The following CLVS1 variants were observed in gnomAD, a reference collection of about 807,000 sequenced individuals.
CLVS1 encodes the protein clavesin-1.
A neutral mutation model predicts 33.1 loss-of-function variants in CLVS1; 10 were observed. The observed-to-expected ratio is 0.30, with a 90% CI of 0.19 to 0.51. The LOEUF (loss-of-function observed/expected upper bound fraction) is 0.51. Among genes scored for constraint, CLVS1 ranks in the 20% least tolerant of loss-of-function variants. The pLI is 0.97. For synonymous variants in CLVS1, 163 were observed against 166.1 expected, an observed-to-expected ratio of 0.98 and a Z score of 0.14; for missense variants, 343 against 433.4, an observed-to-expected ratio of 0.79 and a Z score of 1.85.
chr8:61,085,847 C>T (rs1405390993), intron 1 of CLVS1, among the ~76,000 whole-genome samples: 1 of 151,450 alleles, frequency 6.6e-6, no homozygotes. Flanking sequence ...CACGGTGAAA[C>T]CCCACCTCTA....
chr8:61,126,795 G>A (rs562519029), intron 1 of CLVS1, among the ~76,000 whole-genome samples: 7 of 152,298 alleles, frequency 4.6e-5, no homozygotes, highest in African/African-American at 1.4e-4. Context: ...TTGTTTGCAT[G>A]TTGGACTTAT....
chr8:60,975,206 C>G, the CLVS1 span, among the ~76,000 whole-genome samples: 1 of 152,170 alleles, frequency 6.6e-6, no homozygotes, highest in Non-Finnish European at 1.5e-5. Context: ...CCCAGTGCCA[C>G]AGTTGAATGC....
intron 3 of CLVS1, among the ~76,000 whole-genome samples, chr8:61,453,622 G>A (rs1005324676): frequency 4.2e-4 from 64 of 152,232 alleles, no homozygotes; most frequent in African/African-American, 1.5e-3. Context: ...ATTCCACAGA[G>A]CTCCATCTCC....
intron 2 of CLVS1, among the ~76,000 whole-genome samples, chr8:61,218,279 A>G (rs1435759507): frequency 2.0e-5 from 3 of 152,194 alleles, no homozygotes; most frequent in Non-Finnish European, 4.4e-5. Context: ...TGAATCATTA[A>G]AGAAAATGTG....
intron 1 of CLVS1, among the ~76,000 whole-genome samples, chr8:61,118,890 G>A (rs556105650): frequency 4.1e-4 from 63 of 152,170 alleles, no homozygotes; most frequent in African/African-American, 1.2e-3. Flanking sequence ...TATTAGGTCC[G>A]CTTGGTGCAG....
At chr8:61,379,470 T>C (rs748627716) in intron 3 of CLVS1, among the ~76,000 whole-genome samples, 1 of 151,882 alleles carries the variant, frequency 6.6e-6, no homozygotes, top group Non-Finnish European at 1.5e-5. Context: ...GCCCAATCTT[T>C]AGGCAGTGAG....
chr8:61,499,609 G>A lies in CLVS1; in HGVS notation c.*67G>A, dbSNP rs1804489802. 2 of 1,173,536 alleles carry A rather than the reference G, an allele frequency of 1.7e-6. No homozygotes were observed. Among genetic ancestry groups the A allele is most frequent in the Admixed American group, 1.7e-5 (1 of 58,334 alleles). 72.7% of individuals were successfully genotyped at this position (1,173,536 alleles called of 1,614,324 possible). A position where few individuals can be genotyped will look rare whatever the true frequency, so the allele number is the denominator to read the frequency against. Reference sequence around the variant, plus strand: ...GGTATCAGCCACCCAGGAAGCACATGCACAACTGACCCATGCAGACACGTG... The same window carrying A: ...GGTATCAGCCACCCAGGAAGCACATACACAACTGACCCATGCAGACACGTG... On this transcript the variant is annotated 3_prime_UTR_variant, in exon 6 of 6. Coordinates refer to ENST00000325897, the MANE Select transcript of CLVS1 (RefSeq NM_173519.3).
At chr8:61,176,705 C>T (rs181101821) in intron 2 of CLVS1, among the ~76,000 whole-genome samples, 5 of 152,240 alleles carry the variant, frequency 3.3e-5, no homozygotes, top group Middle Eastern at 3.4e-3. Context: ...CAGTGTTGTG[C>T]GGCAGCCCAC....
intron 3 of CLVS1, among the ~76,000 whole-genome samples, chr8:61,453,681 T>A (rs1332059673): frequency 6.6e-6 from 1 of 152,142 alleles, no homozygotes; most frequent in African/African-American, 2.4e-5. Context: ...CAGCCAGCAC[T>A]CACTCACCCA....
intron 2 of CLVS1, among the ~76,000 whole-genome samples, chr8:61,185,897 A>G (rs1441672464): frequency 2.0e-5 from 3 of 152,228 alleles, no homozygotes; most frequent in Non-Finnish European, 2.9e-5. Context: ...TGTAAAGGCT[A>G]TACAAATGTT....
At chr8:61,021,396 G>C in the CLVS1 span, among the ~76,000 whole-genome samples, 4 of 152,192 alleles carry the variant, frequency 2.6e-5, no homozygotes, top group Non-Finnish European at 4.4e-5. Context: ...TGTCGCCCAG[G>C]CTGGAGTGCA....
chr8:61,041,936 G>A, the CLVS1 span, among the ~76,000 whole-genome samples: 3 of 151,932 alleles, frequency 2.0e-5, no homozygotes, highest in Admixed American at 6.6e-5. Flanking sequence ...ACTGGGCTGC[G>A]GAAACTTAAT....
chr8:61,361,619 G>T (rs918191625), intron 2 of CLVS1, among the ~76,000 whole-genome samples: 2 of 152,084 alleles, frequency 1.3e-5, no homozygotes, highest in African/African-American at 4.8e-5. Context: ...GTTCTTCAGG[G>T]TCTTATTTTA....
intron 5 of CLVS1, among the ~76,000 whole-genome samples, chr8:61,484,186 A>T (rs1489468667): frequency 1.3e-5 from 2 of 152,258 alleles, no homozygotes; most frequent in African/African-American, 2.4e-5. Flanking sequence ...TTTTATATTT[A>T]GAAAACCCCA....
At chr8:61,404,412 C>T (rs1814897724) in intron 3 of CLVS1, among the ~76,000 whole-genome samples, 1 of 152,154 alleles carries the variant, frequency 6.6e-6, no homozygotes, top group African/African-American at 2.4e-5. Context: ...ATATTTGATA[C>T]ACACACCTCT....
chr8:61,366,232 T>C (rs1200829325), intron 2 of CLVS1, among the ~76,000 whole-genome samples: 1 of 152,184 alleles, frequency 6.6e-6, no homozygotes, highest in Non-Finnish European at 1.5e-5. Flanking sequence ...TCCCCATTTA[T>C]ATTTTGGGCT....
intron 2 of CLVS1, among the ~76,000 whole-genome samples, chr8:61,186,700 G>C (rs1368571883): frequency 6.6e-6 from 1 of 151,890 alleles, no homozygotes; most frequent in African/African-American, 2.4e-5. Flanking sequence ...GAGGGAGAGA[G>C]AAAAAGAGAC....
intron 3 of CLVS1, among the ~76,000 whole-genome samples, chr8:61,379,413 A>C (rs921633380): frequency 6.7e-6 from 1 of 149,100 alleles, no homozygotes; most frequent in Non-Finnish European, 1.5e-5. Flanking sequence ...CAAATGGGTA[A>C]TACAATACCT....
At chr8:61,004,379 G>A in the CLVS1 span, among the ~76,000 whole-genome samples, 1 of 152,210 alleles carries the variant, frequency 6.6e-6, no homozygotes, top group Non-Finnish European at 1.5e-5. Flanking sequence ...AAGGAATGCA[G>A]GCAGCCAGGT....
Sources: gnomAD v4.1 joint callset for allele counts (sites outside exome capture counted in the v4.1 genomes callset) on GRCh38, gnomAD v4.1.1 for gene constraint, MANE v1.5 for transcripts, NCBI Gene and HGNC (gene_info 2026-07-23, HGNC 2026-07-21) for gene names.